SPEN: variants seen among roughly 807,000 people sequenced by gnomAD.
SPEN encodes the protein spen family transcriptional repressor, also known as msx2-interacting protein.
A neutral mutation model predicts 269.9 loss-of-function variants in SPEN; 18 were observed. The ratio of observed to expected loss-of-function variants is 0.07; its 90% CI spans 0.05 to 0.10. The LOEUF is 0.10. Ranked by LOEUF, SPEN falls within the 10% of genes least tolerant of loss-of-function variation. The pLI is 1.00. For synonymous variants in SPEN, 1,726 were observed against 1,765.7 expected (o/e 0.98, Z 0.56); for missense variants, 3,822 against 4,631.2 (o/e 0.83, Z 5.07).
intron 3 of SPEN, among the ~76,000 whole-genome samples, chr1:15,881,649 T>C (rs527534948): frequency 6.6e-6 from 1 of 152,336 alleles, no homozygotes; most frequent in African/African-American, 2.4e-5. Context: ...GCTAAAAGTT[T>C]TTGTCATTTA....
At chr1:15,905,481 CA>C (rs2070947004) in intron 3 of SPEN, among the ~76,000 whole-genome samples, 1 of 152,088 alleles carries the variant, frequency 6.6e-6, no homozygotes, top group Admixed American at 6.6e-5. Flanking sequence ...CTTGGCCTCC[CA>C]AAGTGCTGGG....
At chr1:15,877,885 C>T (rs1336525781) in intron 3 of SPEN, among the ~76,000 whole-genome samples, 2 of 151,542 alleles carry the variant, frequency 1.3e-5, no homozygotes, top group African/African-American at 2.4e-5. Context: ...GCTGAGATTA[C>T]AGGCACCCAT....
At chr1:15,918,882 T>C (rs746346103) in intron 6 of SPEN, 44 bp from the exon 7 acceptor site, 1 of 1,540,260 alleles carries the variant, frequency 6.5e-7, no homozygotes, top group Non-Finnish European at 8.8e-7. Flanking sequence ...TTCTAATTTA[T>C]TTTCTTGGGC....
rs370623877 is a variant in SPEN at position 15,932,995 on chromosome 1, G to A, written c.6755G>A (p.Gly2252Asp). Residue 2252 changes from glycine (G) to aspartate (D), a missense_variant, in exon 11 of 15, where the codon GGT (glycine) becomes GAT (aspartate). Around this residue, in one of 16 missense-constraint regions of SPEN, gnomAD observed 727 missense variants for 737.9 expected, o/e 0.99. Coordinates refer to ENST00000375759, the MANE Select transcript of SPEN (RefSeq NM_015001.3). This position sits in a 1 kb window ranked among gnomAD's most constrained non-coding sequence, Gnocchi z 4.2. ...ESQTDLQPPA[G>D]AQALQPSEEG... ...CAGACAGATCTGCAACCCCCCGCAGGTGCACAGGCGCTGCAGCCTTCTGAG... is the reference window on the plus strand; with the variant it reads ...CAGACAGATCTGCAACCCCCCGCAGATGCACAGGCGCTGCAGCCTTCTGAG... 4 of 1,614,070 alleles carry A rather than the reference G, an allele frequency of 2.5e-6. No individual in the cohort carries two copies. The highest frequency in any genetic ancestry group is 1.7e-5 in the Admixed American group (1 of 60,010).
intron 3 of SPEN, among the ~76,000 whole-genome samples, chr1:15,879,629 G>A (rs543863987): frequency 7.9e-5 from 12 of 152,028 alleles, no homozygotes; most frequent in African/African-American, 2.7e-4. Context: ...ATATACCAAA[G>A]GCTACAACCT....
intron 3 of SPEN, among the ~76,000 whole-genome samples, chr1:15,878,010 G>A (rs556163128): frequency 2.2e-4 from 34 of 152,166 alleles, no homozygotes; most frequent in Non-Finnish European, 4.7e-4. Context: ...CTCCCAGAGT[G>A]TTGGGATTAC....
chr1:15,932,836 C>T lies in SPEN; in HGVS notation c.6596C>T (p.Ala2199Val), dbSNP rs1376231252. The change falls in exon 11 of 15, where the codon GCC (alanine) becomes GTC (valine). Residue 2199 changes from alanine (A) to valine (V), a missense_variant. Physicochemically the swap from Ala to Val is moderately conservative, Grantham distance 64 (BLOSUM62 0). Transcript: ENST00000375759. The surrounding 1 kb of genome is among the most constrained non-coding windows in gnomAD (Gnocchi z 4.2). ...AYKADAPEGL[A>V]PEDRDKPAHQ... ...AAGGCAGATGCACCAGAGGGCCTTG[C>T]CCCAGAGGACAGGGACAAGCCTGCA... The T allele has an allele frequency of 6.2e-7, 1 of 1,614,198 alleles. No individual in the cohort carries two copies. The highest frequency in any genetic ancestry group is 2.2e-5 in the East Asian group (1 of 44,882).
intron 3 of SPEN, among the ~76,000 whole-genome samples, chr1:15,899,292 C>G (rs1234521138): frequency 6.6e-6 from 1 of 151,998 alleles, no homozygotes; most frequent in Non-Finnish European, 1.5e-5. Flanking sequence ...TGACTCAGCA[C>G]CCCCGCCAAG....
In SPEN at chr1:15,936,030, C is replaced by A; in HGVS notation, c.9790C>A (p.His3264Asn). The change falls in exon 11 of 15, where the codon CAT (histidine) becomes AAT (asparagine). Residue 3264 changes from histidine (H) to asparagine (N), a missense_variant. By Grantham distance (68) the His-to-Asn change is moderately conservative (BLOSUM62 1). Coordinates refer to ENST00000375759, the MANE Select transcript of SPEN (RefSeq NM_015001.3). The stretch of plus-strand genomic sequence containing the variant: ...CCTTCCTGCCCCTGCTCCTGCCCCT[C>A]ATGGTGAGGCCCGTATCCTCACAGT... ...VPLPAPAPAP[H>N]GEARILTVTP... The A allele has an allele frequency of 6.3e-7, 1 of 1,591,986 alleles. No individual in the cohort carries two copies. Among genetic ancestry groups the A allele is most frequent in the Non-Finnish European group, 8.6e-7 (1 of 1,166,968 alleles).
At chr1:15,887,594 C>T (rs539019662) in intron 3 of SPEN, among the ~76,000 whole-genome samples, 41 of 151,094 alleles carry the variant, frequency 2.7e-4, no homozygotes, top group Non-Finnish European at 5.5e-4. Flanking sequence ...TGTGCCTGGC[C>T]GAAAAAAATT....
chr1:15,922,874 A>G (rs995789865), intron 10 of SPEN, among the ~76,000 whole-genome samples: 1 of 152,136 alleles, frequency 6.6e-6, no homozygotes, highest in African/African-American at 2.4e-5. Context: ...TTGGCCTCCC[A>G]AAGCGCTGGG....
In SPEN at chr1:15,882,717, G is replaced by T. The variant is rs140830309; in HGVS notation, c.881+6039G>T. On this transcript the variant is annotated intron_variant, in intron 3 of 14. Transcript: ENST00000375759. ...AGGAATGCACAGGTACTAACTAGAT[G>T]GTGTGGACAGCTGACGCAAACTGGG... is the stretch of plus-strand genomic sequence containing the variant. Among the ~76,000 whole-genome samples the T allele has an allele frequency of 5.6e-4, 86 of 152,306 alleles. 1 individual carries two copies. The East Asian group carries it at 0.016, about 28-fold the overall frequency.
Position 15,930,154 on chromosome 1 carries a change from A to T in SPEN, c.3914A>T (p.Glu1305Val). ...TATTCTAACATAACAGTCAGGGAAG[A>T]GTCTTTAAAATTTAATCCTTATGAT... ...LPYSNITVRE[E>V]SLKFNPYDSS... Residue 1305 changes from glutamate (E) to valine (V), a missense_variant, in exon 11 of 15, where the codon GAG (glutamate) becomes GTG (valine). Physicochemically the swap from Glu to Val is moderately radical, Grantham distance 121. Around this residue, in one of 16 missense-constraint regions of SPEN, gnomAD observed 267 missense variants for 315.5 expected, o/e 0.85. Coordinates refer to ENST00000375759, the MANE Select transcript of SPEN (RefSeq NM_015001.3). This position sits in a 1 kb window ranked among gnomAD's most constrained non-coding sequence, Gnocchi z 5.3. 6.2e-7 allele frequency: 1 copy of T among 1,614,192 alleles called. No individual in the cohort carries two copies. Among genetic ancestry groups the T allele is most frequent in the East Asian group, 2.2e-5 (1 of 44,886 alleles).
At chr1:15,936,298 T>C in intron 11 of SPEN, 32 bp downstream of exon 11, 5 of 1,513,078 alleles carry the variant, frequency 3.3e-6, no homozygotes, top group African/African-American at 1.4e-5. Flanking sequence ...CCACTGTCTG[T>C]TGGGCATGTG....
Position 15,932,715 on chromosome 1 carries a change from T to C in SPEN, c.6475T>C (p.Ser2159Pro). The change falls in exon 11 of 15, where the codon TCC becomes CCC. Residue 2159 changes from serine (S) to proline (P), a missense_variant. This residue lies in a region of SPEN where 727 missense variants were observed against 737.9 expected (regional missense o/e 0.99). Transcript: ENST00000375759. This position sits in a 1 kb window ranked among gnomAD's most constrained non-coding sequence, Gnocchi z 4.2. Reference sequence around the variant, plus strand: ...AGAAGACGTGTCTGCCTCTGGGCCGTCCCCAGAAGCCACCCAGTTAGCCAA... The same window carrying C: ...AGAAGACGTGTCTGCCTCTGGGCCGCCCCCAGAAGCCACCCAGTTAGCCAA... ...EKEDVSASGP[S>P]PEATQLAKQM... is the part of the protein sequence containing the mutation. The C allele has an allele frequency of 6.2e-7, 1 of 1,614,108 alleles. No homozygotes were observed. Among genetic ancestry groups the C allele is most frequent in the Non-Finnish European group, 8.5e-7 (1 of 1,180,018 alleles).
At chr1:15,850,552 A>C (rs2070325795) in intron 1 of SPEN, among the ~76,000 whole-genome samples, 1 of 152,062 alleles carries the variant, frequency 6.6e-6, no homozygotes, top group Non-Finnish European at 1.5e-5. Flanking sequence ...CTCACCCCCC[A>C]AAATCCAGGT....
chr1:15,939,561 C>T lies in SPEN; in HGVS notation c.*134C>T, dbSNP rs1024064787. Reference sequence around the variant, plus strand: ...TGCCAGACGGCCAGCCGTTTGCTGTCCTGCCGCCCGGCTCAGTCGGCCAGA... The same window carrying T: ...TGCCAGACGGCCAGCCGTTTGCTGTTCTGCCGCCCGGCTCAGTCGGCCAGA... On this transcript the variant is annotated 3_prime_UTR_variant, in exon 15 of 15. Coordinates refer to ENST00000375759, the MANE Select transcript of SPEN (RefSeq NM_015001.3). This position sits in a 1 kb window ranked among gnomAD's most constrained non-coding sequence, Gnocchi z 4.1. 31 of 1,148,508 alleles carry T rather than the reference C, an allele frequency of 2.7e-5. No individual in the cohort carries two copies. Among genetic ancestry groups the T allele is most frequent in the Non-Finnish European group, 3.7e-5 (31 of 844,048 alleles). 71.1% of individuals were successfully genotyped at this position (1,148,508 alleles called of 1,614,324 possible).
Position 15,937,503 on chromosome 1 carries a change from C to T in SPEN, c.10367C>T (p.Pro3456Leu), listed in dbSNP as rs145947516. 2.9e-5 allele frequency: 47 copies of T among 1,613,984 alleles called. No individual in the cohort carries two copies. The East Asian group carries it at 3.1e-4, about 11-fold the overall frequency. ...CCCACTCAGACTGCCCCAAAACAGCCGTTGTTTGTCCCAACAACCTCTGGC... is the reference window on the plus strand; with the variant it reads ...CCCACTCAGACTGCCCCAAAACAGCTGTTGTTTGTCCCAACAACCTCTGGC... Reference protein sequence around the residue: ...SLPTQTAPKQPLFVPTTSGPS... With the variant: ...SLPTQTAPKQLLFVPTTSGPS... Residue 3456 changes from proline (P) to leucine (L), a missense_variant, in exon 12 of 15, where the codon CCG becomes CTG. Pro to Leu is a moderately conservative substitution (Grantham distance 98). Around this residue, in one of 16 missense-constraint regions of SPEN, gnomAD observed 359 missense variants for 377.3 expected, o/e 0.95. Transcript: ENST00000375759. This position sits in a 1 kb window ranked among gnomAD's most constrained non-coding sequence, Gnocchi z 5.7.
At position 15,909,398 on chromosome 1, in the gene SPEN, C is replaced by G. The variant is rs2148728281; in HGVS notation, c.959C>G (p.Ser320Cys). ...VQSAAVPAPT[S>C]QLLSSLEKDE... The stretch of plus-strand genomic sequence containing the variant: ...TCTGCAGCAGTCCCTGCACCCACTT[C>G]CCAGTTGCTTTCATCTCTGGAAAAA... Residue 320 changes from serine to cysteine, a missense_variant, in exon 4 of 15, where the codon TCC becomes TGC. By Grantham distance (112) the Ser-to-Cys change is moderately radical. Transcript: ENST00000375759. The G allele has an allele frequency of 6.2e-7, 1 of 1,614,182 alleles. No individual in the cohort carries two copies. The highest frequency in any genetic ancestry group is 8.5e-7 in the Non-Finnish European group (1 of 1,180,028).
Sources: allele counts gnomAD v4.1 joint callset (sites outside exome capture counted in the v4.1 genomes callset), GRCh38; gene constraint gnomAD v4.1.1; regional missense constraint gnomAD v4.1.1; non-coding constraint Gnocchi (gnomAD v3.1); transcripts MANE v1.5; gene names NCBI Gene and HGNC (gene_info 2026-07-23, HGNC 2026-07-21).